The following S1PR2 variants were observed in gnomAD, a reference collection of about 807,000 sequenced individuals.
S1PR2 encodes the protein sphingosine 1-phosphate receptor 2.
Under a neutral mutation model 16.1 loss-of-function variants are expected in S1PR2, and 9 were observed. The ratio of observed to expected loss-of-function variants is 0.56; its 90% CI spans 0.34 to 0.98. The LOEUF (loss-of-function observed/expected upper bound fraction) is 0.98, where lower values mean the gene tolerates loss of function less well. S1PR2 is among the 50% of genes least tolerant of loss of function. S1PR2 has a pLI of 0.02. For synonymous variants in S1PR2, 224 were observed against 233.9 expected (o/e 0.96, Z 0.38); for missense variants, 361 against 488.4 (o/e 0.74, Z 2.46).
chr19:10,226,921 A>C (rs1486880946), intron 1 of S1PR2, among the ~76,000 whole-genome samples: 30 of 139,878 alleles, frequency 2.1e-4, no homozygotes, highest in Admixed American at 4.3e-4. Context: ...AACCTGAGTC[A>C]CCCCCCCAAC....
At position 10,223,214 on chromosome 19, in the gene S1PR2, C is replaced by T. The variant is rs1188276904; in HGVS notation, c.*630G>A. 1.5e-5 allele frequency: 2 copies of T among 129,170 alleles called. No individual in the cohort carries two copies. Among genetic ancestry groups the T allele is most frequent in the African/African-American group, 5.9e-5 (2 of 33,632 alleles). 8.0% of individuals were successfully genotyped at this position (129,170 alleles called of 1,614,324 possible). On this transcript the variant is annotated 3_prime_UTR_variant, in exon 2 of 2. Coordinates refer to ENST00000646641, the MANE Select transcript of S1PR2 (RefSeq NM_004230.4). Reference sequence around the variant, plus strand: ...AAAAAAAAAAAAAAAAAGCCGGGCACGGTGGCTCACGCCTGTAATCCCAGC... The same window carrying T: ...AAAAAAAAAAAAAAAAAGCCGGGCATGGTGGCTCACGCCTGTAATCCCAGC...
chr19:10,227,710 T>C (rs1291341903), intron 1 of S1PR2, among the ~76,000 whole-genome samples: 2 of 152,210 alleles, frequency 1.3e-5, no homozygotes, highest in Non-Finnish European at 2.9e-5. Flanking sequence ...ATTGGTCCAG[T>C]TGGGGGCGCT....
chr19:10,231,076 C>T (rs2145447889), intron 1 of S1PR2, 128 bp downstream of exon 1: 1 of 152,710 alleles, frequency 6.5e-6, no homozygotes, highest in African/African-American at 2.4e-5. Flanking sequence ...ACCACCCGCT[C>T]CGTGCAGCAG....
At chr19:10,229,632 A>G (rs1443865796) in intron 1 of S1PR2, among the ~76,000 whole-genome samples, 1 of 152,060 alleles carries the variant, frequency 6.6e-6, no homozygotes, top group African/African-American at 2.4e-5. Context: ...TCTTTCAGAA[A>G]GGCAGGCCCT....
In S1PR2 at chr19:10,223,253, G is replaced by T. The variant is rs1361138759; in HGVS notation, c.*591C>A. On this transcript the variant is annotated 3_prime_UTR_variant, in exon 2 of 2. Coordinates refer to ENST00000646641, the MANE Select transcript of S1PR2 (RefSeq NM_004230.4). ...TGTAATCCCAGCACTTTGGGAGGCC[G>T]AGGCGGGCGGATCACGAGGTCAGGA... 6.9e-6 allele frequency: 1 copy of T among 144,212 alleles called. No individual in the cohort carries two copies. The highest frequency in any genetic ancestry group is 1.5e-5 in the Non-Finnish European group (1 of 66,438). The allele number at this position is 144,212 out of a possible 1,614,324, so 8.9% of individuals were successfully genotyped here. A position where few individuals can be genotyped will look rare whatever the true frequency, so the allele number is the denominator to read the frequency against.
chr19:10,229,652 G>A (rs2145445689), intron 1 of S1PR2, among the ~76,000 whole-genome samples: 1 of 152,126 alleles, frequency 6.6e-6, no homozygotes, highest in South Asian at 2.1e-4. Context: ...TGTGGTTACA[G>A]TTCCCCCTGG....
intron 1 of S1PR2, among the ~76,000 whole-genome samples, chr19:10,228,997 C>T (rs1304444161): frequency 6.6e-6 from 1 of 152,074 alleles, no homozygotes; most frequent in African/African-American, 2.4e-5. Flanking sequence ...CCGTGGTAGC[C>T]ACCCTACCTT....
chr19:10,224,001 G>T lies in S1PR2; in HGVS notation c.905C>A (p.Pro302Gln). 6.2e-7 allele frequency: 1 copy of T among 1,611,808 alleles called. No individual in the cohort carries two copies. Among genetic ancestry groups the T allele is most frequent in the Non-Finnish European group, 8.5e-7 (1 of 1,178,836 alleles). The change falls in exon 2 of 2, where the codon CCG becomes CAG. Residue 302 changes from proline (P) to glutamine (Q), a missense_variant. Transcript: ENST00000646641. ...SRDLRREVLR[P>Q]LQCWRPGVGV... is the part of the protein sequence containing the mutation. ...CACCCCCGGCCTCCAGCACTGCAGC[G>T]GCCGAAGCACCTCCCGCCGCAGGTC...
intron 1 of S1PR2, among the ~76,000 whole-genome samples, chr19:10,229,890 T>A (rs1358016346): frequency 6.6e-6 from 1 of 151,980 alleles, no homozygotes; most frequent in Non-Finnish European, 1.5e-5. Context: ...AGACAGTCAA[T>A]GCCTAAGGCC....
intron 1 of S1PR2, among the ~76,000 whole-genome samples, chr19:10,228,300 G>A (rs939592532): frequency 7.3e-5 from 11 of 151,562 alleles, no homozygotes; most frequent in South Asian, 4.2e-4. Flanking sequence ...GTGACAGAGC[G>A]AGACTGTCTC....
At chr19:10,230,420 G>C (rs538224926) in intron 1 of S1PR2, 5 of 154,778 alleles carry the variant, frequency 3.2e-5, no homozygotes, top group South Asian at 2.0e-4. Flanking sequence ...TGCACCGCGA[G>C]TTCCGCGCCT....
At position 10,223,750 on chromosome 19, in the gene S1PR2, C is replaced by G. The variant is rs1198936077; in HGVS notation, c.*94G>C. 1.0e-4 allele frequency: 123 copies of G among 1,212,202 alleles called. No homozygotes were observed. The highest frequency in any genetic ancestry group is 1.4e-4 in the Non-Finnish European group (120 of 871,298). The allele number at this position is 1,212,202 out of a possible 1,614,324, so 75.1% of individuals were successfully genotyped here. A position where few individuals can be genotyped will look rare whatever the true frequency, so the allele number is the denominator to read the frequency against. ...ACCCAGGTCTGTGGGGCGGGGGCAT[C>G]TGGCTCAGTAGCCCCAAGTCTCTAT... On this transcript the variant is annotated 3_prime_UTR_variant, in exon 2 of 2. Transcript: ENST00000646641.
At position 10,224,432 on chromosome 19, in the gene S1PR2, G is replaced by C; in HGVS notation, c.474C>G (p.Ile158Met). Residue 158 changes from isoleucine (I) to methionine (M), a missense_variant, in exon 2 of 2, where the codon ATC (isoleucine) becomes ATG (methionine). Ile to Met is a conservative substitution (Grantham distance 10). Coordinates refer to ENST00000646641, the MANE Select transcript of S1PR2 (RefSeq NM_004230.4). ...MLLLIGASWL[I>M]SLVLGGLPIL... ...TGGGCAGGCCACCGAGGACCAGCGAGATGAGCCACGAGGCCCCGATGAGCA... is the reference window on the plus strand; with the variant it reads ...TGGGCAGGCCACCGAGGACCAGCGACATGAGCCACGAGGCCCCGATGAGCA... 1 of 1,613,620 alleles carries C rather than the reference G, an allele frequency of 6.2e-7. No individual in the cohort carries two copies. The highest frequency in any genetic ancestry group is 1.3e-5 in the African/African-American group (1 of 75,068).
chr19:10,227,864 G>A (rs918918764), intron 1 of S1PR2, among the ~76,000 whole-genome samples: 2 of 152,088 alleles, frequency 1.3e-5, no homozygotes, highest in Non-Finnish European at 2.9e-5. Context: ...GACACCCCCA[G>A]GCTGCCCTGG....
At chr19:10,228,401 A>G (rs1026673034) in intron 1 of S1PR2, among the ~76,000 whole-genome samples, 1 of 152,132 alleles carries the variant, frequency 6.6e-6, no homozygotes, top group African/African-American at 2.4e-5. Context: ...TTTCCCTGAG[A>G]GGAAGACTGG....
At position 10,224,958 on chromosome 19, in the gene S1PR2, G is replaced by T. The variant is rs1309228753; in HGVS notation, c.-42-11C>A. 1.0e-5 allele frequency: 13 copies of T among 1,269,252 alleles called. No individual in the cohort carries two copies. The highest frequency in any genetic ancestry group is 1.0e-4 in the Admixed American group (5 of 49,850). The allele number at this position is 1,269,252 out of a possible 1,614,324, so 78.6% of individuals were successfully genotyped here. A position where few individuals can be genotyped will look rare whatever the true frequency, so the allele number is the denominator to read the frequency against. ...ATGGGGCTTTCAGAACTGCAGAGAAGACAGACAGACAGACAGACAATAGGT... is the reference window on the plus strand; with the variant it reads ...ATGGGGCTTTCAGAACTGCAGAGAATACAGACAGACAGACAGACAATAGGT... On this transcript the variant is annotated splice_polypyrimidine_tract_variant and intron_variant, in intron 1 of 1. Transcript: ENST00000646641.
intron 1 of S1PR2, among the ~76,000 whole-genome samples, chr19:10,225,957 C>T (rs2039631907): frequency 6.6e-6 from 1 of 152,190 alleles, no homozygotes; most frequent in African/African-American, 2.4e-5. Context: ...ATCCTCCTGC[C>T]TCAGTCTCCT....
intron 1 of S1PR2, among the ~76,000 whole-genome samples, chr19:10,230,973 C>G (rs2039673155): frequency 6.6e-6 from 1 of 152,224 alleles, no homozygotes; most frequent in African/African-American, 2.4e-5. Context: ...CCGGCGCCAA[C>G]TTCCTGCCGC....
chr19:10,225,980 G>C (rs199814671), intron 1 of S1PR2, among the ~76,000 whole-genome samples: 1 of 151,842 alleles, frequency 6.6e-6, no homozygotes, highest in Non-Finnish European at 1.5e-5. Flanking sequence ...GTAGCTACAC[G>C]CTTTCAAAGG....
Sources: allele counts gnomAD v4.1 joint callset (sites outside exome capture counted in the v4.1 genomes callset), GRCh38; gene constraint gnomAD v4.1.1; transcripts MANE v1.5; gene names NCBI Gene and HGNC (gene_info 2026-07-23, HGNC 2026-07-21).